The following WWOX variants were observed in gnomAD, a reference collection of about 807,000 sequenced individuals.
WWOX encodes the protein WW domain containing oxidoreductase.
In WWOX, 69 loss-of-function variants were observed where a neutral mutation model predicts 46.2. That is an observed-to-expected ratio of 1.49 (90% CI 1.23 to 1.82). The LOEUF is 1.82. Ranked by LOEUF, WWOX falls within the 40% of genes most tolerant of loss-of-function variation. WWOX has a pLI of 0.00. For synonymous variants in WWOX, 359 were observed against 202.6 expected, an observed-to-expected ratio of 1.77 and a Z score of -6.56; for missense variants, 919 against 542.6, an observed-to-expected ratio of 1.69 and a Z score of -6.89.
At chr16:78,813,103 C>G (rs2051233788) in intron 8 of WWOX, among the ~76,000 whole-genome samples, 1 of 146,834 alleles carries the variant, frequency 6.8e-6, no homozygotes, top group South Asian at 2.1e-4. Context: ...TTTTTTCCAA[C>G]TTGTATACAC....
intron 8 of WWOX, among the ~76,000 whole-genome samples, chr16:78,468,007 A>C (rs983204827): frequency 6.6e-6 from 1 of 152,090 alleles, no homozygotes; most frequent in Non-Finnish European, 1.5e-5. Flanking sequence ...TTCCACTGGT[A>C]TATTTTCTTT....
chr16:78,719,125 TC>T (rs1365712843), intron 8 of WWOX, among the ~76,000 whole-genome samples: 2 of 152,284 alleles, frequency 1.3e-5, no homozygotes, highest in African/African-American at 4.8e-5. Flanking sequence ...TCCAAGCCCA[TC>T]ATGTATCATC....
intron 8 of WWOX, among the ~76,000 whole-genome samples, chr16:78,510,313 C>T (rs2085331290): frequency 2.0e-5 from 3 of 152,166 alleles, no homozygotes; most frequent in South Asian, 2.1e-4. Context: ...TCAACTGATT[C>T]TCCTGCCTCC....
At chr16:78,477,655 A>G (rs921665517) in intron 8 of WWOX, among the ~76,000 whole-genome samples, 2 of 152,314 alleles carry the variant, frequency 1.3e-5, no homozygotes, top group South Asian at 4.1e-4. Context: ...ATCATATCAT[A>G]TATATAAATC....
chr16:79,174,596 C>T (rs1401874182), intron 8 of WWOX, among the ~76,000 whole-genome samples: 2 of 152,128 alleles, frequency 1.3e-5, no homozygotes, highest in African/African-American at 4.8e-5. Context: ...TTCAGTGAGC[C>T]GAGATCGCAC....
intron 8 of WWOX, among the ~76,000 whole-genome samples, chr16:79,165,372 T>C (rs1216013237): frequency 1.3e-5 from 2 of 152,188 alleles, no homozygotes; most frequent in Non-Finnish European, 2.9e-5. Flanking sequence ...ACATGGGCTT[T>C]AGAGCCAGAC....
chr16:78,744,421 G>A (rs1029706769), intron 8 of WWOX, among the ~76,000 whole-genome samples: 2 of 123,494 alleles, frequency 1.6e-5, no homozygotes, highest in Non-Finnish European at 3.2e-5. Context: ...GGTCCACACT[G>A]CTTTTTTTTT....
intron 8 of WWOX, among the ~76,000 whole-genome samples, chr16:78,790,378 G>C (rs991343786): frequency 2.6e-5 from 4 of 151,984 alleles, no homozygotes; most frequent in African/African-American, 4.8e-5. Context: ...CAAGTGATTT[G>C]CCCGCCCCAG....
chr16:78,666,454 C>T (rs1320610458), intron 8 of WWOX, among the ~76,000 whole-genome samples: 2 of 152,106 alleles, frequency 1.3e-5, no homozygotes, highest in Non-Finnish European at 2.9e-5. Flanking sequence ...TGCTTACAGC[C>T]TATTTTTACA....
chr16:78,502,454 C>G (rs1192039851), intron 8 of WWOX, among the ~76,000 whole-genome samples: 1 of 152,200 alleles, frequency 6.6e-6, no homozygotes, highest in Non-Finnish European at 1.5e-5. Flanking sequence ...TCTCTTGTGT[C>G]TGGTTTCTTC....
chr16:78,378,968 G>A (rs1168077127), intron 5 of WWOX, among the ~76,000 whole-genome samples: 1 of 152,160 alleles, frequency 6.6e-6, no homozygotes, highest in Admixed American at 6.5e-5. Context: ...AGCCCAGTGT[G>A]GCAGTCATGT....
At chr16:78,864,806 A>C (rs890377812) in intron 8 of WWOX, among the ~76,000 whole-genome samples, 16 of 119,120 alleles carry the variant, frequency 1.3e-4, no homozygotes, top group Non-Finnish European at 2.6e-4. Context: ...TCTATTGCCC[A>C]GGCTGGAGTG....
intron 8 of WWOX, among the ~76,000 whole-genome samples, chr16:78,861,249 C>T (rs948587172): frequency 2.0e-5 from 3 of 152,204 alleles, no homozygotes; most frequent in Non-Finnish European, 2.9e-5. Flanking sequence ...AGAATTGACT[C>T]CCTCTGCCTG....
At chr16:78,976,233 A>G (rs1407245956) in intron 8 of WWOX, among the ~76,000 whole-genome samples, 1 of 152,076 alleles carries the variant, frequency 6.6e-6, no homozygotes, top group African/African-American at 2.4e-5. Context: ...TTCCTTGCAA[A>G]TCTCCCTGCA....
At chr16:79,068,885 G>C (rs573378916) in intron 8 of WWOX, among the ~76,000 whole-genome samples, 2 of 151,384 alleles carry the variant, frequency 1.3e-5, no homozygotes, top group African/African-American at 2.4e-5. Context: ...AGAGGAGGTA[G>C]GGAATGAATG....
At chr16:78,692,476 A>T (rs986304545) in intron 8 of WWOX, among the ~76,000 whole-genome samples, 1 of 152,182 alleles carries the variant, frequency 6.6e-6, no homozygotes, top group African/African-American at 2.4e-5. Flanking sequence ...AAAGTGGCTC[A>T]CACCTGGCTG....
intron 8 of WWOX, among the ~76,000 whole-genome samples, chr16:78,664,532 C>T (rs1479561186): frequency 3.9e-5 from 6 of 152,184 alleles, no homozygotes; most frequent in African/African-American, 1.4e-4. Context: ...GGATTCCAAG[C>T]TTGTAAATAA....
intron 8 of WWOX, among the ~76,000 whole-genome samples, chr16:78,738,346 TA>T (rs772821471): frequency 6.6e-6 from 1 of 152,142 alleles, no homozygotes; most frequent in Non-Finnish European, 1.5e-5. Context: ...TGGTAATAAT[TA>T]GGCATAAAAT....
chr16:78,971,458 A>C (rs988864124), intron 8 of WWOX, among the ~76,000 whole-genome samples: 2 of 138,002 alleles, frequency 1.4e-5, no homozygotes, highest in African/African-American at 6.2e-5. Flanking sequence ...CAAAAAAAAA[A>C]AAAAAAAAAA....
Sources: gnomAD v4.1 joint callset for allele counts (sites outside exome capture counted in the v4.1 genomes callset) on GRCh38, gnomAD v4.1.1 for gene constraint, MANE v1.5 for transcripts, NCBI Gene and HGNC (gene_info 2026-07-23, HGNC 2026-07-21) for gene names.